The following STYX variants were observed in gnomAD, a reference collection of about 807,000 sequenced individuals.
The protein encoded by STYX is serine/threonine/tyrosine-interacting protein.
A neutral mutation model predicts 42.7 loss-of-function variants in STYX; 20 were observed. That is an observed-to-expected ratio of 0.47 (90% CI 0.33 to 0.68). The LOEUF (loss-of-function observed/expected upper bound fraction) is 0.68, where lower values mean the gene tolerates loss of function less well. Ranked by LOEUF, STYX falls within the 30% of genes least tolerant of loss-of-function variation. The pLI, the probability that STYX is intolerant of heterozygous loss-of-function variation, is 0.02. For synonymous variants in STYX, 78 were observed against 81.9 expected, an observed-to-expected ratio of 0.95 and a Z score of 0.26; for missense variants, 226 against 268.5, an observed-to-expected ratio of 0.84 and a Z score of 1.11.
At chr14:52,758,801 C>T (rs1881975468) in intron 8 of STYX, among the ~76,000 whole-genome samples, 1 of 152,114 alleles carries the variant, frequency 6.6e-6, no homozygotes, top group African/African-American at 2.4e-5. Context: ...GTCTCGATTT[C>T]TTGACCTTGT....
rs533621871 is a variant in STYX at position 52,774,488 on chromosome 14, A to G, written c.*3382A>G. The G allele has an allele frequency of 6.6e-6, 1 of 152,142 alleles. No homozygotes were observed. The highest frequency in any genetic ancestry group is 1.9e-4 in the East Asian group (1 of 5,178). The allele number at this position is 152,142 out of a possible 1,614,324, so 9.4% of individuals were successfully genotyped here. A position where few individuals can be genotyped will look rare whatever the true frequency, so the allele number is the denominator to read the frequency against. ...TATTTTCTTTCTTTCTTTGTTCAAC[A>G]GTGCTCCGATAAGGGAATGCTAGAA... On this transcript the variant is annotated 3_prime_UTR_variant, in exon 11 of 11. Transcript: ENST00000354586.
intron 9 of STYX, among the ~76,000 whole-genome samples, chr14:52,766,290 C>T (rs1271982506): frequency 1.3e-5 from 2 of 152,142 alleles, no homozygotes; most frequent in African/African-American, 4.8e-5. Context: ...CCTCAGTCTC[C>T]CAAGTTGCCA....
chr14:52,767,546 T>C (rs1307092724), intron 9 of STYX, among the ~76,000 whole-genome samples: 2 of 152,160 alleles, frequency 1.3e-5, no homozygotes, highest in African/African-American at 4.8e-5. Flanking sequence ...TCCTTCTTGA[T>C]TATTGGTCAT....
At chr14:52,738,648 A>G (rs1243645611) in intron 1 of STYX, among the ~76,000 whole-genome samples, 4 of 152,216 alleles carry the variant, frequency 2.6e-5, no homozygotes. Flanking sequence ...TGACACCTTG[A>G]TATATTGATT....
At chr14:52,750,886 T>C in intron 4 of STYX, 106 bp downstream of exon 4, 2 of 580,728 alleles carry the variant, frequency 3.4e-6, no homozygotes, top group South Asian at 3.2e-5. Context: ...ATGGGTCATA[T>C]AGTACATAGT....
At position 52,773,451 on chromosome 14, in the gene STYX, C is replaced by T. The variant is rs945253682; in HGVS notation, c.*2345C>T. 4 of 151,976 alleles carry T rather than the reference C, an allele frequency of 2.6e-5. No individual in the cohort carries two copies. In the East Asian group the frequency reaches 5.8e-4, roughly 22 times the overall value. The allele number at this position is 151,976 out of a possible 1,614,324, so 9.4% of individuals were successfully genotyped here. On this transcript the variant is annotated 3_prime_UTR_variant, in exon 11 of 11. Transcript: ENST00000354586. Reference sequence around the variant, plus strand: ...CTCCTGGGTTCAAGTGATTTTCCTGCCTCAGCCTCCCAAGTAGCTGGGGTT... The same window carrying T: ...CTCCTGGGTTCAAGTGATTTTCCTGTCTCAGCCTCCCAAGTAGCTGGGGTT...
At chr14:52,738,212 A>G (rs967176160) in intron 1 of STYX, among the ~76,000 whole-genome samples, 4 of 152,246 alleles carry the variant, frequency 2.6e-5, no homozygotes, top group African/African-American at 9.6e-5. Context: ...AAAGCTTTCT[A>G]GGTTTCAAAG....
At chr14:52,741,781 A>G (rs997502172) in intron 1 of STYX, among the ~76,000 whole-genome samples, 2 of 151,916 alleles carry the variant, frequency 1.3e-5, no homozygotes, top group Non-Finnish European at 2.9e-5. Flanking sequence ...TTATTTCTAC[A>G]TATTCTGTGT....
Position 52,773,220 on chromosome 14 carries a change from T to C in STYX, c.*2114T>C, listed in dbSNP as rs1322146117. ...CCACATTTTCTATCCACTGTAATTT[T>C]TATGTTGTCACTGAAGTGCCTGCCC... On this transcript the variant is annotated 3_prime_UTR_variant, in exon 11 of 11. Transcript: ENST00000354586. 1 of 152,146 alleles carries C rather than the reference T, an allele frequency of 6.6e-6. No individual in the cohort carries two copies. Among genetic ancestry groups the C allele is most frequent in the Non-Finnish European group, 1.5e-5 (1 of 68,034 alleles). The allele number at this position is 152,146 out of a possible 1,614,324, so 9.4% of individuals were successfully genotyped here.
chr14:52,759,468 T>A (rs950692383), intron 8 of STYX, among the ~76,000 whole-genome samples: 22 of 152,194 alleles, frequency 1.4e-4, no homozygotes. Flanking sequence ...GTAGGTGTTA[T>A]TAGACTCTTC....
intron 1 of STYX, among the ~76,000 whole-genome samples, chr14:52,737,080 G>A (rs528322896): frequency 6.6e-5 from 10 of 152,136 alleles, no homozygotes; most frequent in African/African-American, 2.2e-4. Flanking sequence ...CCCACCTCCA[G>A]CCTATGTACA....
intron 9 of STYX, among the ~76,000 whole-genome samples, chr14:52,761,054 C>T (rs1414952512): frequency 6.6e-6 from 1 of 152,062 alleles, no homozygotes; most frequent in African/African-American, 2.4e-5. Flanking sequence ...ATTGGCCTGG[C>T]TCAGTGGCTC....
intron 4 of STYX, among the ~76,000 whole-genome samples, chr14:52,754,767 C>G (rs1881784864): frequency 6.6e-6 from 1 of 151,758 alleles, no homozygotes; most frequent in African/African-American, 2.4e-5. Flanking sequence ...AACAAAAAAG[C>G]CAAAAAATCA....
At chr14:52,758,563 A>G (rs1881965400) in intron 8 of STYX, among the ~76,000 whole-genome samples, 1 of 152,180 alleles carries the variant, frequency 6.6e-6, no homozygotes, top group South Asian at 2.1e-4. Context: ...AAGGAATATT[A>G]TTTGAATACA....
At chr14:52,761,323 C>A in intron 9 of STYX, among the ~76,000 whole-genome samples, 1 of 127,632 alleles carries the variant, frequency 7.8e-6, no homozygotes, top group African/African-American at 2.8e-5. Context: ...AACAAAACTC[C>A]GTGTCAAAAA....
intron 1 of STYX, 148 bp from the exon 2 acceptor site, chr14:52,744,704 G>A (rs991361598): frequency 1.4e-6 from 1 of 689,808 alleles, no homozygotes; most frequent in African/African-American, 1.9e-5. Context: ...TCAGATGTTT[G>A]TGAAACCAAG....
intron 1 of STYX, among the ~76,000 whole-genome samples, chr14:52,736,115 G>A (rs974362148): frequency 6.6e-6 from 1 of 151,852 alleles, no homozygotes. Context: ...TCCACCCCCC[G>A]CCTTCAGAGC....
In STYX at chr14:52,774,673, C is replaced by G. The variant is rs1203290781; in HGVS notation, c.*3567C>G. ...AAATATTCAGGTTTACATGTTAGCT[C>G]TCTCTCATAGGGAGCTGCCATACCT... is the stretch of plus-strand genomic sequence containing the variant. On this transcript the variant is annotated 3_prime_UTR_variant, in exon 11 of 11. Transcript: ENST00000354586. 6.7e-6 allele frequency: 1 copy of G among 149,556 alleles called. No individual in the cohort carries two copies. The highest frequency in any genetic ancestry group is 1.5e-5 in the Non-Finnish European group (1 of 67,728). 9.3% of individuals were successfully genotyped at this position (149,556 alleles called of 1,614,324 possible). A position where few individuals can be genotyped will look rare whatever the true frequency, so the allele number is the denominator to read the frequency against.
chr14:52,733,538 C>T (rs1177604924), intron 1 of STYX, among the ~76,000 whole-genome samples: 2 of 152,224 alleles, frequency 1.3e-5, no homozygotes, highest in African/African-American at 4.8e-5. Context: ...GTCACCTATA[C>T]ACTCCTGACT....
Sources: allele counts gnomAD v4.1 joint callset (sites outside exome capture counted in the v4.1 genomes callset), GRCh38; gene constraint gnomAD v4.1.1; transcripts MANE v1.5; gene names NCBI Gene and HGNC (gene_info 2026-07-23, HGNC 2026-07-21).